The following GPHN variants were observed in gnomAD, a reference collection of about 807,000 sequenced individuals.
The protein encoded by GPHN is gephyrin.
Under a neutral mutation model 95.5 loss-of-function variants are expected in GPHN, and 17 were observed. The observed-to-expected ratio is 0.18, with a 90% confidence interval of 0.12 to 0.27. The LOEUF (loss-of-function observed/expected upper bound fraction) is 0.27. Ranked by LOEUF, GPHN falls within the 10% of genes least tolerant of loss-of-function variation. GPHN has a pLI of 1.00. For synonymous variants in GPHN, 320 were observed against 322.5 expected, an observed-to-expected ratio of 0.99 and a Z score of 0.08; for missense variants, 660 against 978.1, an observed-to-expected ratio of 0.67 and a Z score of 4.34.
At position 66,754,030 on chromosome 14, in the gene GPHN, G is replaced by A. The variant is rs2058469378; in HGVS notation, c.144-22434G>A. 2.0e-5 allele frequency among the ~76,000 whole-genome samples: 3 copies of A among 151,992 alleles called. No individual in the cohort carries two copies. The South Asian group carries it at 6.2e-4, about 32-fold the overall frequency. On this transcript the variant is annotated intron_variant, in intron 2 of 22. Transcript: ENST00000478722. ...TTTTTTAAGGTGCTTCTATATTGAAGCATGTTTTAGTAGTTCTTTTTTATT... is the reference window on the plus strand; with the variant it reads ...TTTTTTAAGGTGCTTCTATATTGAAACATGTTTTAGTAGTTCTTTTTTATT...
intron 4 of GPHN, among the ~76,000 whole-genome samples, chr14:66,878,219 T>C (rs897060251): frequency 6.6e-6 from 1 of 152,108 alleles, no homozygotes. Context: ...TATACAAAAA[T>C]TAACTCAAGA....
In GPHN at chr14:67,059,405, G is replaced by C. The variant is rs1036498807; in HGVS notation, c.1144+619G>C. On this transcript the variant is annotated intron_variant, in intron 11 of 22. Transcript: ENST00000478722. ...AGAACTTCCAGCCAATAAAGCTTGT[G>C]GTTTCTCCCCAACACCAAAAAGAGA... is the stretch of plus-strand genomic sequence containing the variant. Among the ~76,000 whole-genome samples, 3 of 151,966 alleles carry C rather than the reference G, an allele frequency of 2.0e-5. No individual in the cohort carries two copies. The East Asian group carries it at 5.8e-4, about 29-fold the overall frequency.
intron 9 of GPHN, among the ~76,000 whole-genome samples, chr14:66,993,209 T>A (rs1400519299): frequency 6.6e-6 from 1 of 152,042 alleles, no homozygotes; most frequent in African/African-American, 2.4e-5. Context: ...TTCTTCTTTT[T>A]TATTGTCTTC....
intron 1 of GPHN, among the ~76,000 whole-genome samples, chr14:66,600,300 A>T (rs2062172100): frequency 6.6e-6 from 1 of 152,076 alleles, no homozygotes; most frequent in African/African-American, 2.4e-5. Context: ...TCAAGTACCT[A>T]CCATGTGCTA....
At chr14:66,824,429 C>G (rs375042875) in intron 3 of GPHN, 45 bp from the exon 4 acceptor site, 2 of 965,706 alleles carry the variant, frequency 2.1e-6, no homozygotes, top group African/African-American at 3.2e-5. Context: ...TTTGAGCAAG[C>G]AGGCAAATTT....
intron 5 of GPHN, among the ~76,000 whole-genome samples, chr14:66,890,384 C>T (rs958116710): frequency 6.9e-5 from 10 of 145,630 alleles, no homozygotes; most frequent in African/African-American, 2.3e-4. Context: ...GCGCTCCAGC[C>T]TGGGCAACAG....
intron 10 of GPHN, among the ~76,000 whole-genome samples, chr14:67,055,666 A>G (rs984341285): frequency 4.6e-5 from 7 of 152,240 alleles, no homozygotes; most frequent in Admixed American, 6.5e-5. Context: ...ACGCCTATCA[A>G]TGATAGACTG....
At chr14:66,774,089 G>A (rs574107003) in intron 2 of GPHN, among the ~76,000 whole-genome samples, 50 of 127,904 alleles carry the variant, frequency 3.9e-4, no homozygotes, top group South Asian at 1.6e-3. Flanking sequence ...CTGCAACTCC[G>A]CCTCCCGGGT....
the GPHN span, chr14:67,650,609 G>T: frequency 1.0e-6 from 1 of 986,980 alleles, no homozygotes. Context: ...ACTATAAAAT[G>T]GACTCTTGTT....
the GPHN span, among the ~76,000 whole-genome samples, chr14:67,633,001 T>C: frequency 6.6e-6 from 1 of 151,756 alleles, no homozygotes; most frequent in Non-Finnish European, 1.5e-5. Flanking sequence ...TTCGTATTTT[T>C]AGTAGAGACA....
At chr14:66,612,325 T>C (rs2062818370) in intron 1 of GPHN, among the ~76,000 whole-genome samples, 1 of 151,984 alleles carries the variant, frequency 6.6e-6, no homozygotes, top group South Asian at 2.1e-4. Flanking sequence ...CATTCTCCTA[T>C]CCAGTTATTG....
chr14:66,654,192 G>A (rs1238597052), intron 1 of GPHN, among the ~76,000 whole-genome samples: 1 of 152,008 alleles, frequency 6.6e-6, no homozygotes, highest in Non-Finnish European at 1.5e-5. Context: ...CTGTCACCCA[G>A]GCTGGAGTGC....
At chr14:67,084,591 A>G (rs1021890244) in intron 11 of GPHN, among the ~76,000 whole-genome samples, 7 of 152,064 alleles carry the variant, frequency 4.6e-5, no homozygotes, top group Admixed American at 2.0e-4. Context: ...TCTTTCTCTC[A>G]TGCACTGTGC....
intron 1 of GPHN, among the ~76,000 whole-genome samples, chr14:66,569,209 A>G (rs2060577846): frequency 6.6e-6 from 1 of 152,180 alleles, no homozygotes; most frequent in African/African-American, 2.4e-5. Context: ...TAAATCTTTT[A>G]GTGTTCTAGG....
intron 2 of GPHN, among the ~76,000 whole-genome samples, chr14:66,742,102 C>CT (rs2072844472): frequency 6.6e-6 from 1 of 152,200 alleles, no homozygotes; most frequent in Admixed American, 6.5e-5. Context: ...TCAAAACACT[C>CT]TAACAACACT....
the GPHN span, chr14:67,691,321 G>A: frequency 6.4e-6 from 6 of 933,656 alleles, no homozygotes; most frequent in South Asian, 7.0e-5. Flanking sequence ...TCACGCTCAG[G>A]CTTTGAAAAT....
chr14:67,261,033 C>G, the GPHN span, among the ~76,000 whole-genome samples: 3 of 152,030 alleles, frequency 2.0e-5, no homozygotes. Flanking sequence ...TGACATTGGA[C>G]AAGTATTTAT....
At chr14:67,667,021 T>C in the GPHN span, among the ~76,000 whole-genome samples, 1 of 152,162 alleles carries the variant, frequency 6.6e-6, no homozygotes, top group Non-Finnish European at 1.5e-5. Flanking sequence ...TGAACAAGAA[T>C]GAACCACTTC....
the GPHN span, chr14:67,208,247 A>G: frequency 6.2e-7 from 1 of 1,614,058 alleles, no homozygotes; most frequent in South Asian, 1.1e-5. Flanking sequence ...ACAAGATACA[A>G]AAAGTAAGAG....
Sources: gnomAD v4.1 joint callset for allele counts (sites outside exome capture counted in the v4.1 genomes callset) on GRCh38, gnomAD v4.1.1 for gene constraint, MANE v1.5 for transcripts, NCBI Gene and HGNC (gene_info 2026-07-23, HGNC 2026-07-21) for gene names.